Variants in CRTC3 observed in about 807,000 individuals in gnomAD.
The protein encoded by CRTC3 is CREB-regulated transcription coactivator 3.
A neutral mutation model predicts 74.5 loss-of-function variants in CRTC3; 26 were observed. The ratio of observed to expected loss-of-function variants is 0.35; its 90% CI spans 0.26 to 0.48. The LOEUF (loss-of-function observed/expected upper bound fraction) is 0.48, where lower values mean the gene tolerates loss of function less well. Among genes scored for constraint, CRTC3 ranks in the 20% least tolerant of loss-of-function variants. The pLI is 0.99. For missense variants in CRTC3, 760 were observed against 787.3 expected, an observed-to-expected ratio of 0.97 and a Z score of 0.41; for synonymous variants, 377 against 325.8, an observed-to-expected ratio of 1.16 and a Z score of -1.69.
At chr15:90,593,274 G>A (rs900615003) in intron 2 of CRTC3, among the ~76,000 whole-genome samples, 4 of 152,164 alleles carry the variant, frequency 2.6e-5, no homozygotes, top group South Asian at 4.1e-4. Flanking sequence ...TAGGTGCCTC[G>A]TGGCTTGCCA....
At chr15:90,555,849 CT>C (rs1358497567) in intron 2 of CRTC3, among the ~76,000 whole-genome samples, 5 of 152,098 alleles carry the variant, frequency 3.3e-5, no homozygotes, top group African/African-American at 1.2e-4. Context: ...ATTTTTAAAC[CT>C]TTACGTTCAG....
chr15:90,582,202 C>A (rs899129120), intron 2 of CRTC3, among the ~76,000 whole-genome samples: 3 of 152,136 alleles, frequency 2.0e-5, no homozygotes, highest in African/African-American at 7.2e-5. Flanking sequence ...GTCTTATTAG[C>A]ATTAAAGTTA....
At chr15:90,619,599 A>G (rs1968585941) in intron 8 of CRTC3, 142 bp from the exon 9 acceptor site, 7 of 694,188 alleles carry the variant, frequency 1.0e-5, no homozygotes, top group South Asian at 9.8e-5. Context: ...CAAAACCTAA[A>G]AGGCTGCTGT....
chr15:90,625,570 A>T (rs1025246821), intron 9 of CRTC3, among the ~76,000 whole-genome samples: 1 of 152,176 alleles, frequency 6.6e-6, no homozygotes, highest in East Asian at 1.9e-4. Context: ...GTATTCCTGT[A>T]ATGTGGGCAC....
chr15:90,610,529 G>GT (rs1567183489), intron 6 of CRTC3, among the ~76,000 whole-genome samples: 1 of 152,190 alleles, frequency 6.6e-6, no homozygotes, highest in African/African-American at 2.4e-5. Flanking sequence ...TAGCTATTGA[G>GT]TTCCATGACA....
chr15:90,581,579 T>G (rs1967542655), intron 2 of CRTC3, among the ~76,000 whole-genome samples: 1 of 152,212 alleles, frequency 6.6e-6, no homozygotes, highest in Non-Finnish European at 1.5e-5. Flanking sequence ...AAAAGGCACC[T>G]TTAATTTATG....
chr15:90,568,398 T>C (rs1967174860), intron 2 of CRTC3, among the ~76,000 whole-genome samples: 1 of 152,166 alleles, frequency 6.6e-6, no homozygotes, highest in Non-Finnish European at 1.5e-5. Flanking sequence ...TCACCCATGC[T>C]GGAGTGCAGT....
intron 5 of CRTC3, among the ~76,000 whole-genome samples, chr15:90,605,548 A>T (rs1202842866): frequency 6.6e-6 from 1 of 152,230 alleles, no homozygotes; most frequent in East Asian, 1.9e-4. Context: ...CCTGGTCGGT[A>T]TTTAGATTTT....
intron 2 of CRTC3, among the ~76,000 whole-genome samples, chr15:90,564,963 A>G (rs1003714840): frequency 2.2e-5 from 3 of 137,194 alleles, no homozygotes; most frequent in African/African-American, 8.3e-5. Context: ...CCTTCCTTTC[A>G]TGGAGTTTCG....
At position 90,561,231 on chromosome 15, in the gene CRTC3, A is replaced by T. The variant is rs142699904; in HGVS notation, c.231+21094A>T. Among the ~76,000 whole-genome samples the T allele has an allele frequency of 9.8e-5, 15 of 152,346 alleles. No homozygotes were observed. In the East Asian group the frequency reaches 2.9e-3, roughly 29 times the overall value. On this transcript the variant is annotated intron_variant, in intron 2 of 14. Coordinates refer to ENST00000268184, the MANE Select transcript of CRTC3 (RefSeq NM_022769.5). The stretch of plus-strand genomic sequence containing the variant: ...GTTCAATACATATTGCAAAGTTCCT[A>T]GTATAAACTCCCTGTTGCAGCCTTC...
intron 2 of CRTC3, among the ~76,000 whole-genome samples, chr15:90,589,064 A>AT (rs948901979): frequency 1.3e-5 from 2 of 150,812 alleles, no homozygotes; most frequent in Admixed American, 6.6e-5. Context: ...TTTTATTTTT[A>AT]TTTTTTTTCT....
At position 90,530,163 on chromosome 15, in the gene CRTC3, G is replaced by A; in HGVS notation, c.92G>A (p.Arg31Gln). 7.0e-7 allele frequency: 1 copy of A among 1,431,210 alleles called. No homozygotes were observed. The highest frequency in any genetic ancestry group is 9.3e-7 in the Non-Finnish European group (1 of 1,075,426). The allele number at this position is 1,431,210 out of a possible 1,614,324, so 88.7% of individuals were successfully genotyped here. The change falls in exon 1 of 15, where the codon CGG becomes CAG. Residue 31 changes from arginine (R) to glutamine (Q), a missense_variant. Coordinates refer to ENST00000268184, the MANE Select transcript of CRTC3 (RefSeq NM_022769.5). The surrounding 1 kb of genome is among the most constrained non-coding windows in gnomAD (Gnocchi z 6.2). Reference protein sequence around the residue: ...LHTQRQAEETRAFEQLMTDLT... With the variant: ...LHTQRQAEETQAFEQLMTDLT... The stretch of plus-strand genomic sequence containing the variant: ...ACGCAGAGACAGGCCGAGGAGACGC[G>A]GGCCTTCGAGCAGCTCATGACCGAC...
Position 90,644,400 on chromosome 15 carries a change from A to G in CRTC3, c.*2260A>G, listed in dbSNP as rs1969555880. On this transcript the variant is annotated 3_prime_UTR_variant, in exon 15 of 15. Transcript: ENST00000268184. ...AGGTCTCAGCATAGTCACTCTTCACATAGTGCCTTACCCATGGGTATCGTC... is the reference window on the plus strand; with the variant it reads ...AGGTCTCAGCATAGTCACTCTTCACGTAGTGCCTTACCCATGGGTATCGTC... 1 of 230,450 alleles carries G rather than the reference A, an allele frequency of 4.3e-6. No individual in the cohort carries two copies. Among genetic ancestry groups the G allele is most frequent in the South Asian group, 1.8e-4 (1 of 5,506 alleles). The allele number at this position is 230,450 out of a possible 1,614,324, so 14.3% of individuals were successfully genotyped here. A position where few individuals can be genotyped will look rare whatever the true frequency, so the allele number is the denominator to read the frequency against.
chr15:90,601,546 G>T (rs1036738087), intron 3 of CRTC3, among the ~76,000 whole-genome samples: 1 of 152,028 alleles, frequency 6.6e-6, no homozygotes, highest in African/African-American at 2.4e-5. Flanking sequence ...CCAGCTACTC[G>T]GGAGGCTGAG....
intron 2 of CRTC3, among the ~76,000 whole-genome samples, chr15:90,590,656 G>C (rs769600220): frequency 5.9e-5 from 9 of 151,826 alleles, no homozygotes; most frequent in African/African-American, 7.3e-5. Context: ...CACTGCACCC[G>C]GCCCAGACTT....
Position 90,582,509 on chromosome 15 carries a change from C to T in CRTC3, c.232-11127C>T, listed in dbSNP as rs112161756. 2.8e-3 allele frequency among the ~76,000 whole-genome samples: 431 copies of T among 152,226 alleles called. 6 individuals carry two copies. The highest frequency in any genetic ancestry group is 9.8e-3 in the African/African-American group (405 of 41,532). ...TATAGCCCTCACCAGTTTTTAATAACGATCAACACTTTGCATTTAAACTTT... is the reference window on the plus strand; with the variant it reads ...TATAGCCCTCACCAGTTTTTAATAATGATCAACACTTTGCATTTAAACTTT... On this transcript the variant is annotated intron_variant, in intron 2 of 14. Coordinates refer to ENST00000268184, the MANE Select transcript of CRTC3 (RefSeq NM_022769.5).
chr15:90,638,645 A>C lies in CRTC3; in HGVS notation c.1466A>C (p.Gln489Pro). Residue 489 changes from glutamine to proline, a missense_variant and splice_region_variant, in exon 12 of 15, where the codon CAG becomes CCG. Transcript: ENST00000268184. ...PQSDFQLLPA[Q>P]GSSLTNFFPD... ...TCAGACTTTCAGCTTCTCCCGGCCC[A>C]GGTGAGTTCTGGCAGGAGCGTTGGT... The C allele has an allele frequency of 6.2e-7, 1 of 1,613,852 alleles. No homozygotes were observed. The highest frequency in any genetic ancestry group is 1.7e-5 in the Admixed American group (1 of 60,012).
chr15:90,531,959 G>C (rs2151051926), intron 1 of CRTC3, among the ~76,000 whole-genome samples: 1 of 151,922 alleles, frequency 6.6e-6, no homozygotes, highest in Non-Finnish European at 1.5e-5. Flanking sequence ...TTACTTTCAA[G>C]TAAAAAAAAA....
chr15:90,629,186 A>G (rs901349532), intron 10 of CRTC3, 48 bp from the exon 11 acceptor site: 3 of 1,557,662 alleles, frequency 1.9e-6, no homozygotes, highest in South Asian at 2.3e-5. Context: ...GGAATACAAA[A>G]GATTTGGTCT....
Sources: gnomAD v4.1 joint callset for allele counts (sites outside exome capture counted in the v4.1 genomes callset) on GRCh38, gnomAD v4.1.1 for gene constraint, Gnocchi (gnomAD v3.1) non-coding constraint, MANE v1.5 for transcripts, NCBI Gene and HGNC (gene_info 2026-07-23, HGNC 2026-07-21) for gene names.